Variants in TSGA10 observed in about 807,000 individuals in gnomAD.
TSGA10 encodes the protein testis specific 10.
In TSGA10, 43 loss-of-function variants were observed where a neutral mutation model predicts 96.6. The observed-to-expected ratio is 0.44, with a 90% CI of 0.35 to 0.57. The LOEUF is 0.57. Among genes scored for constraint, TSGA10 ranks in the 20% least tolerant of loss-of-function variants. The pLI, the probability that TSGA10 is intolerant of heterozygous loss-of-function variation, is 0.01. For synonymous variants in TSGA10, 229 were observed against 269.9 expected (o/e 0.85, Z 1.48); for missense variants, 703 against 834.4 (o/e 0.84, Z 1.94).
chr2:99,071,779 C>CT lies in TSGA10; in HGVS notation c.1033dup (p.Arg345LysfsTer9). The CT allele has an allele frequency of 6.2e-7, 1 of 1,614,014 alleles. No homozygotes were observed. Among genetic ancestry groups the CT allele is most frequent in the Non-Finnish European group, 8.5e-7 (1 of 1,179,916 alleles). ...GTCATGAGCCAAGATATCTCTTTCC[C>CT]TGGCGATCTGGGCCAGCTCATCATT... is the stretch of plus-strand genomic sequence containing the variant. On this transcript the variant is annotated frameshift_variant, in exon 14 of 21. Coordinates refer to ENST00000393483, the MANE Select transcript of TSGA10 (RefSeq NM_025244.4). LOFTEE classifies it high-confidence loss of function.
intron 17 of TSGA10, among the ~76,000 whole-genome samples, chr2:99,021,711 C>A (rs891658640): frequency 1.3e-5 from 2 of 152,152 alleles, no homozygotes; most frequent in African/African-American, 4.8e-5. Flanking sequence ...CTAGTCATGA[C>A]CACCAAAAAT....
chr2:99,091,382 G>GCATA (rs897267992), intron 10 of TSGA10, among the ~76,000 whole-genome samples: 12 of 152,062 alleles, frequency 7.9e-5, no homozygotes, highest in African/African-American at 2.2e-4. Context: ...ATGCATGCAT[G>GCATA]CATACATACA....
At chr2:99,039,060 G>A (rs942143180) in intron 16 of TSGA10, among the ~76,000 whole-genome samples, 3 of 152,072 alleles carry the variant, frequency 2.0e-5, no homozygotes, top group Admixed American at 6.6e-5. Flanking sequence ...CAATGAAATC[G>A]AGATGGAAAT....
intron 10 of TSGA10, among the ~76,000 whole-genome samples, chr2:99,099,853 T>C (rs1279473474): frequency 6.6e-6 from 1 of 152,156 alleles, no homozygotes; most frequent in Non-Finnish European, 1.5e-5. Context: ...AATGAAAAGT[T>C]AGCAGGACTG....
intron 1 of TSGA10, among the ~76,000 whole-genome samples, chr2:99,149,374 G>A (rs922864614): frequency 2.6e-5 from 4 of 151,150 alleles, no homozygotes; most frequent in Non-Finnish European, 4.4e-5. Context: ...CTTTGAAAGC[G>A]AAACCCTAAC....
chr2:99,096,148 GTATT>G (rs1428193197), intron 10 of TSGA10, among the ~76,000 whole-genome samples: 4 of 152,134 alleles, frequency 2.6e-5, no homozygotes, highest in African/African-American at 4.8e-5. Flanking sequence ...TTAAAAACTA[GTATT>G]TATTGAGTAC....
chr2:99,124,607 CAG>C (rs1345220365), intron 2 of TSGA10, among the ~76,000 whole-genome samples: 4 of 151,834 alleles, frequency 2.6e-5, no homozygotes. Context: ...TTTTTTGAGA[CAG>C]AATCTCGGTC....
chr2:99,110,451 G>C (rs2091696885), intron 5 of TSGA10, among the ~76,000 whole-genome samples: 1 of 152,046 alleles, frequency 6.6e-6, no homozygotes, highest in Non-Finnish European at 1.5e-5. Context: ...ATTTCACATT[G>C]TTAGATAAAT....
chr2:99,102,427 G>A, intron 10 of TSGA10: 9 of 1,613,954 alleles, frequency 5.6e-6, no homozygotes, highest in Non-Finnish European at 7.6e-6. Context: ...GGTGAAATGA[G>A]AGAAATGCAA....
intron 20 of TSGA10, among the ~76,000 whole-genome samples, chr2:98,999,199 A>T (rs1004756982): frequency 2.0e-5 from 3 of 152,094 alleles, no homozygotes; most frequent in African/African-American, 7.2e-5. Flanking sequence ...TATGGCCAAG[A>T]CTATAATCAT....
At chr2:99,075,775 G>A (rs928211610) in intron 12 of TSGA10, among the ~76,000 whole-genome samples, 2 of 151,978 alleles carry the variant, frequency 1.3e-5, no homozygotes, top group East Asian at 1.9e-4. Context: ...ACATTGTTAC[G>A]GTTCGCAGAA....
intron 17 of TSGA10, among the ~76,000 whole-genome samples, chr2:99,021,992 G>A (rs1034259761): frequency 6.6e-6 from 1 of 151,884 alleles, no homozygotes; most frequent in Non-Finnish European, 1.5e-5. Flanking sequence ...TTGTACAATC[G>A]TTACCACAAT....
intron 12 of TSGA10, among the ~76,000 whole-genome samples, chr2:99,073,995 C>CTTTTTTTTT (rs2086298056): frequency 1.7e-4 from 6 of 36,138 alleles, no homozygotes; most frequent in African/African-American, 5.6e-4. Context: ...GTTCCTGTTT[C>CTTTTTTTTT]TTTTCTTTTT....
chr2:99,038,135 T>C (rs764556438), intron 16 of TSGA10, among the ~76,000 whole-genome samples: 1 of 152,080 alleles, frequency 6.6e-6, no homozygotes, highest in Non-Finnish European at 1.5e-5. Flanking sequence ...GTCAGCACTA[T>C]GAGAACTGCT....
intron 10 of TSGA10, among the ~76,000 whole-genome samples, chr2:99,091,385 T>C (rs1408454693): frequency 6.6e-6 from 1 of 152,122 alleles, no homozygotes; most frequent in Non-Finnish European, 1.5e-5. Context: ...CATGCATGCA[T>C]ACATACATAC....
chr2:99,053,247 AGTG>A (rs2083590369), intron 16 of TSGA10, among the ~76,000 whole-genome samples: 1 of 152,104 alleles, frequency 6.6e-6, no homozygotes, highest in South Asian at 2.1e-4. Context: ...AATTCATTTT[AGTG>A]GTCAGCATTA....
chr2:99,121,465 C>CAT (rs922997747), intron 2 of TSGA10, among the ~76,000 whole-genome samples: 1 of 42 alleles, frequency 0.024, no homozygotes, highest in Non-Finnish European at 0.036. Context: ...TATATATATT[C>CAT]ATATATATAT....
chr2:99,115,992 T>C (rs2092234256), intron 4 of TSGA10, among the ~76,000 whole-genome samples: 1 of 152,220 alleles, frequency 6.6e-6, no homozygotes, highest in Admixed American at 6.5e-5. Context: ...GGTCATCAAT[T>C]GGACTCATAT....
intron 16 of TSGA10, among the ~76,000 whole-genome samples, chr2:99,057,861 A>G (rs1033057992): frequency 6.6e-6 from 1 of 152,220 alleles, no homozygotes; most frequent in Non-Finnish European, 1.5e-5. Flanking sequence ...ACAAAGCAAT[A>G]GTAATTATGC....
Sources: gnomAD v4.1 joint callset for allele counts (sites outside exome capture counted in the v4.1 genomes callset) on GRCh38, gnomAD v4.1.1 for gene constraint, MANE v1.5 for transcripts, NCBI Gene and HGNC (gene_info 2026-07-23, HGNC 2026-07-21) for gene names.